Variants in RTTN observed in about 807,000 individuals in gnomAD.
The protein encoded by RTTN is rotatin.
RTTN carries 182 observed loss-of-function variants against 269.2 expected under a neutral mutation model. The observed-to-expected ratio is 0.68, with a 90% CI of 0.60 to 0.76. The LOEUF is 0.76. Ranked by LOEUF, RTTN falls within the 30% of genes least tolerant of loss-of-function variation. The probability of loss-of-function intolerance (pLI) is 0.00; values close to 1 mark genes in which losing one functional copy is unlikely to be tolerated. For synonymous variants in RTTN, 1,006 were observed against 963.5 expected, an observed-to-expected ratio of 1.04 and a Z score of -0.82; for missense variants, 2,545 against 2,608.6, an observed-to-expected ratio of 0.98 and a Z score of 0.53.
Position 70,097,552 on chromosome 18 carries a change from T to C in RTTN, c.3904-4748A>G, listed in dbSNP as rs758757342. Among the ~76,000 whole-genome samples the C allele has an allele frequency of 2.0e-5, 3 of 152,232 alleles. No homozygotes were observed. In the South Asian group the frequency reaches 6.2e-4, roughly 31 times the overall value. ...TATTTGCCTGCCATTTAACATAAAG[T>C]CATAAAGATTTTCTGCTCGAGATGT... On this transcript the variant is annotated intron_variant, in intron 28 of 48. Coordinates refer to ENST00000640769, the MANE Select transcript of RTTN (RefSeq NM_173630.4).
intron 34 of RTTN, among the ~76,000 whole-genome samples, chr18:70,071,066 T>TA (rs2058281792): frequency 6.6e-6 from 1 of 152,136 alleles, no homozygotes; most frequent in Non-Finnish European, 1.5e-5. Context: ...CATCTGGCCT[T>TA]AGAGTGAAGG....
intron 11 of RTTN, among the ~76,000 whole-genome samples, chr18:70,175,633 CAAA>C (rs10710822): frequency 7.7e-5 from 11 of 143,700 alleles, no homozygotes; most frequent in Admixed American, 6.9e-5. Context: ...TGCATGGGAC[CAAA>C]AAAAAAAAAA....
At chr18:70,188,923 G>A (rs2061607825) in intron 9 of RTTN, among the ~76,000 whole-genome samples, 1 of 152,110 alleles carries the variant, frequency 6.6e-6, no homozygotes, top group East Asian at 1.9e-4. Context: ...TACCAGATTG[G>A]AAGGATCTAG....
chr18:70,127,454 C>A (rs1218588319), intron 25 of RTTN, 48 bp downstream of exon 25: 2 of 1,595,894 alleles, frequency 1.3e-6, no homozygotes, highest in South Asian at 1.1e-5. Context: ...GAACACAATA[C>A]AATGCAATCC....
intron 14 of RTTN, among the ~76,000 whole-genome samples, chr18:70,157,112 C>A (rs1330790052): frequency 6.6e-6 from 1 of 152,232 alleles, no homozygotes; most frequent in African/African-American, 2.4e-5. Flanking sequence ...CCTGCAGCCT[C>A]CCCTGCCAGT....
Position 70,193,379 on chromosome 18 carries a change from G to T in RTTN, c.916C>A (p.Pro306Thr), listed in dbSNP as rs189500744. Residue 306 changes from proline (P) to threonine (T), a missense_variant, in exon 8 of 49, where the codon CCA becomes ACA. Pro to Thr is a conservative substitution (Grantham distance 38). Transcript: ENST00000640769. ...GAAGGCCGAGGGCTGCTGCTTCCTGGGGAAGGATTCTGGGAATGATGAGTA... is the reference window on the plus strand; with the variant it reads ...GAAGGCCGAGGGCTGCTGCTTCCTGTGGAAGGATTCTGGGAATGATGAGTA... ...RGTHHSQNPS[P>T]GSSSPRPSVV... 6.2e-7 allele frequency: 1 copy of T among 1,608,600 alleles called. No individual in the cohort carries two copies. The highest frequency in any genetic ancestry group is 8.5e-7 in the Non-Finnish European group (1 of 1,177,844).
intron 26 of RTTN, among the ~76,000 whole-genome samples, chr18:70,120,613 A>G (rs956051161): frequency 1.2e-4 from 18 of 152,110 alleles, no homozygotes; most frequent in Admixed American, 8.5e-4. Flanking sequence ...TATCTTAGCT[A>G]AGTTGAGTAA....
intron 23 of RTTN, chr18:70,130,748 A>C (rs2059978091): frequency 6.6e-6 from 1 of 151,920 alleles, no homozygotes; most frequent in Non-Finnish European, 1.5e-5. Flanking sequence ...AATAGTTAAC[A>C]GTAATTTGTT....
intron 48 of RTTN, 146 bp downstream of exon 48, chr18:70,005,052 A>C (rs2056140845): frequency 1.9e-6 from 1 of 518,240 alleles, no homozygotes; most frequent in Non-Finnish European, 3.4e-6. Flanking sequence ...TATTATTTTA[A>C]AAAATGATAT....
chr18:70,134,367 T>G, intron 23 of RTTN, 106 bp downstream of exon 23: 1 of 855,188 alleles, frequency 1.2e-6, no homozygotes, highest in Non-Finnish European at 1.9e-6. Context: ...GCCCAAGTTA[T>G]GGGATTTAAA....
intron 40 of RTTN, among the ~76,000 whole-genome samples, chr18:70,045,948 C>CA (rs1302126550): frequency 6.6e-6 from 1 of 151,798 alleles, no homozygotes; most frequent in Non-Finnish European, 1.5e-5. Context: ...TTTCTTTGTC[C>CA]AAAAAGGTAA....
At chr18:70,097,123 C>T (rs1465793104) in intron 28 of RTTN, among the ~76,000 whole-genome samples, 1 of 152,154 alleles carries the variant, frequency 6.6e-6, no homozygotes, top group Non-Finnish European at 1.5e-5. Context: ...TGGAATTATA[C>T]ATCATGTATC....
rs2365902 is a variant in RTTN, at chr18:70,196,619, A to T, written c.723T>A (p.Phe241Leu). Residue 241 changes from phenylalanine to leucine, a missense_variant, in exon 7 of 49, where the codon TTT becomes TTA. Phe to Leu is a conservative substitution (Grantham distance 22, BLOSUM62 0). Transcript: ENST00000640769. Reference sequence around the variant, plus strand: ...ATGCCAGGCGATGCTTTCCATCTCCAAAGGCCAGTTTCAACAGAGATAAAA... The same window carrying T: ...ATGCCAGGCGATGCTTTCCATCTCCTAAGGCCAGTTTCAACAGAGATAAAA... Reference protein sequence around the residue: ...QSLLSLLKLAFGDGKHRLALQ... With the variant: ...QSLLSLLKLALGDGKHRLALQ... The T allele has an allele frequency of 1.8e-5, 20 of 1,126,784 alleles. No homozygotes were observed. In the Admixed American group the frequency reaches 2.4e-4, roughly 13 times the overall value. The allele number at this position is 1,126,784 out of a possible 1,614,324, so 69.8% of individuals were successfully genotyped here. A position where few individuals can be genotyped will look rare whatever the true frequency, so the allele number is the denominator to read the frequency against.
intron 32 of RTTN, among the ~76,000 whole-genome samples, chr18:70,084,207 G>A (rs1169284733): frequency 7.0e-6 from 1 of 142,326 alleles, no homozygotes; most frequent in Non-Finnish European, 1.5e-5. Context: ...AAAGTGCAAA[G>A]CAATAGAAGC....
At chr18:70,193,555 A>G in intron 7 of RTTN, 102 bp from the exon 8 acceptor site, 1 of 894,012 alleles carries the variant, frequency 1.1e-6, no homozygotes, top group Non-Finnish European at 1.6e-6. Flanking sequence ...ACAAATTAAG[A>G]TAGTAGGAAT....
chr18:70,119,401 A>G (rs1048854596), intron 26 of RTTN, among the ~76,000 whole-genome samples: 1 of 152,072 alleles, frequency 6.6e-6, no homozygotes, highest in Non-Finnish European at 1.5e-5. Flanking sequence ...AGTTGCAGGT[A>G]CCAGAATGAA....
intron 18 of RTTN, among the ~76,000 whole-genome samples, chr18:70,143,364 G>C (rs1027086200): frequency 5.9e-5 from 9 of 152,132 alleles, no homozygotes. Flanking sequence ...ATCAATGGCA[G>C]ATTGGATAAA....
intron 40 of RTTN, among the ~76,000 whole-genome samples, chr18:70,044,080 G>C (rs2057421853): frequency 6.6e-6 from 1 of 152,206 alleles, no homozygotes; most frequent in South Asian, 2.1e-4. Context: ...GTACATTTAA[G>C]TGATGTAGGG....
At chr18:70,092,862 T>C (rs2058889163) in intron 28 of RTTN, 58 bp from the exon 29 acceptor site, 3 of 1,476,292 alleles carry the variant, frequency 2.0e-6, no homozygotes, top group South Asian at 2.6e-5. Flanking sequence ...TATATAAAGA[T>C]AAATATATAA....
Sources: allele counts gnomAD v4.1 joint callset (sites outside exome capture counted in the v4.1 genomes callset), GRCh38; gene constraint gnomAD v4.1.1; transcripts MANE v1.5; gene names NCBI Gene and HGNC (gene_info 2026-07-23, HGNC 2026-07-21).